DDAH1: variants seen among roughly 807,000 people sequenced by gnomAD.
DDAH1 encodes the protein dimethylarginine dimethylaminohydrolase 1, also known as N(G),N(G)-dimethylarginine dimethylaminohydrolase 1.
In DDAH1, 19 loss-of-function variants were observed where a neutral mutation model predicts 28.8. That is an observed-to-expected ratio of 0.66 (90% CI 0.46 to 0.97). The LOEUF (loss-of-function observed/expected upper bound fraction) is 0.97, where lower values mean the gene tolerates loss of function less well. Ranked by LOEUF, DDAH1 falls within the 50% of genes least tolerant of loss-of-function variation. The pLI is 0.00. For synonymous variants in DDAH1, 153 were observed against 154.4 expected (o/e 0.99, Z 0.07); for missense variants, 326 against 375.9 (o/e 0.87, Z 1.10).
At chr1:85,546,130 C>CAAA (rs1170461711) in intron 1 of DDAH1, among the ~76,000 whole-genome samples, 1 of 135,282 alleles carries the variant, frequency 7.4e-6, no homozygotes, top group South Asian at 2.4e-4. Flanking sequence ...GAATGTGTCT[C>CAAA]CAAAAAAAAA....
intron 2 of DDAH1, among the ~76,000 whole-genome samples, chr1:85,483,211 CA>C (rs57500608): frequency 0.17 from 16,234 of 96,850 alleles, 1,170 homozygotes; most frequent in East Asian, 0.29. Context: ...GAGACTATCT[CA>C]AAAAAAAAAA....
chr1:85,383,370 C>T (rs1651093890), intron 1 of DDAH1, among the ~76,000 whole-genome samples: 1 of 152,184 alleles, frequency 6.6e-6, no homozygotes. Flanking sequence ...GAAGATATGA[C>T]TGAATTGCTG....
chr1:85,483,902 C>T (rs76887621), intron 2 of DDAH1, among the ~76,000 whole-genome samples: 3,993 of 152,158 alleles, frequency 0.026, 182 homozygotes, highest in African/African-American at 0.089. Flanking sequence ...CATATTTGAT[C>T]GCAGATACAC....
intron 1 of DDAH1, among the ~76,000 whole-genome samples, chr1:85,527,946 G>A (rs1250017064): frequency 2.0e-5 from 3 of 152,050 alleles, no homozygotes; most frequent in Non-Finnish European, 4.4e-5. Context: ...TTGCCTCCAT[G>A]CCTCTTTTCT....
At chr1:85,447,635 A>G (rs1434504314) in intron 1 of DDAH1, among the ~76,000 whole-genome samples, 1 of 152,208 alleles carries the variant, frequency 6.6e-6, no homozygotes, top group African/African-American at 2.4e-5. Context: ...ACCTAGTAAT[A>G]TGATTGCTAG....
intron 1 of DDAH1, among the ~76,000 whole-genome samples, chr1:85,389,000 A>G (rs1020201587): frequency 9.8e-5 from 15 of 152,300 alleles, no homozygotes; most frequent in African/African-American, 3.1e-4. Flanking sequence ...ATTGGGAAAG[A>G]TATTACACTC....
intron 1 of DDAH1, among the ~76,000 whole-genome samples, chr1:85,556,018 G>A (rs1425009169): frequency 2.0e-5 from 3 of 152,124 alleles, no homozygotes; most frequent in Admixed American, 6.5e-5. Context: ...TATGAGTGGC[G>A]GGTAGAACAG....
intron 1 of DDAH1, among the ~76,000 whole-genome samples, chr1:85,395,465 G>C (rs1651766421): frequency 6.6e-6 from 1 of 152,130 alleles, no homozygotes; most frequent in South Asian, 2.1e-4. Flanking sequence ...CTGAGGGAGG[G>C]AGTTCAAGAC....
intron 1 of DDAH1, among the ~76,000 whole-genome samples, chr1:85,564,432 G>C (rs1659234723): frequency 6.6e-6 from 1 of 152,120 alleles, no homozygotes; most frequent in Non-Finnish European, 1.5e-5. Context: ...AGGGGTAGTG[G>C]TGAGGCCAAA....
chr1:85,408,895 G>C (rs1388606777), intron 1 of DDAH1, among the ~76,000 whole-genome samples: 1 of 152,112 alleles, frequency 6.6e-6, no homozygotes, highest in East Asian at 1.9e-4. Flanking sequence ...CAGAGGAGTA[G>C]AGAGCTTTAT....
chr1:85,342,328 CCT>C (rs1190196522), intron 4 of DDAH1, among the ~76,000 whole-genome samples: 1 of 151,858 alleles, frequency 6.6e-6, no homozygotes, highest in Non-Finnish European at 1.5e-5. Flanking sequence ...CTTTTTTCCC[CCT>C]TTTTGGCATA....
chr1:85,430,694 T>C (rs1455703895), intron 1 of DDAH1, among the ~76,000 whole-genome samples: 2 of 152,246 alleles, frequency 1.3e-5, no homozygotes, highest in East Asian at 3.9e-4. Flanking sequence ...GATTTGGCTC[T>C]CTATTATTGG....
chr1:85,570,894 A>G (rs981762815), intron 1 of DDAH1, among the ~76,000 whole-genome samples: 1 of 152,222 alleles, frequency 6.6e-6, no homozygotes, highest in Non-Finnish European at 1.5e-5. Context: ...AAAAGAGAGA[A>G]AAATGGCAAA....
At chr1:85,531,719 T>G (rs1658098271) in intron 1 of DDAH1, among the ~76,000 whole-genome samples, 1 of 147,324 alleles carries the variant, frequency 6.8e-6, no homozygotes, top group Admixed American at 6.8e-5. Flanking sequence ...TTCCACCACA[T>G]TAATAAAGGC....
chr1:85,479,262 T>TCCGCC (rs1655913488), intron 2 of DDAH1, among the ~76,000 whole-genome samples: 3 of 146,904 alleles, frequency 2.0e-5, no homozygotes, highest in African/African-American at 7.6e-5. Flanking sequence ...CAAGCTCCGC[T>TCCGCC]TCCCGGGTTC....
At chr1:85,499,911 A>G (rs1390195385) in intron 1 of DDAH1, among the ~76,000 whole-genome samples, 1 of 152,102 alleles carries the variant, frequency 6.6e-6, no homozygotes, top group Non-Finnish European at 1.5e-5. Context: ...TCATTTTTTT[A>G]TGTTGATCTG....
At chr1:85,428,176 ATAT>A (rs911901170) in intron 1 of DDAH1, among the ~76,000 whole-genome samples, 1 of 152,124 alleles carries the variant, frequency 6.6e-6, no homozygotes, top group Non-Finnish European at 1.5e-5. Flanking sequence ...CAGAAGAAGG[ATAT>A]TATTGTATGT....
intron 1 of DDAH1, among the ~76,000 whole-genome samples, chr1:85,512,226 T>C (rs1431850252): frequency 6.6e-6 from 1 of 152,162 alleles, no homozygotes; most frequent in Non-Finnish European, 1.5e-5. Context: ...ATCCATCACA[T>C]AAACAGAACC....
At chr1:85,333,339 T>C (rs556684432) in intron 4 of DDAH1, among the ~76,000 whole-genome samples, 27 of 152,132 alleles carry the variant, frequency 1.8e-4, no homozygotes, top group African/African-American at 6.5e-4. Flanking sequence ...TCTTCCCCTA[T>C]GAAAACCAAT....
Sources: allele counts gnomAD v4.1 joint callset (sites outside exome capture counted in the v4.1 genomes callset), GRCh38; gene constraint gnomAD v4.1.1; transcripts MANE v1.5; gene names NCBI Gene and HGNC (gene_info 2026-07-23, HGNC 2026-07-21).